The following NPEPPS variants were observed in gnomAD, a reference collection of about 807,000 sequenced individuals.
NPEPPS encodes the protein aminopeptidase puromycin sensitive.
NPEPPS carries 14 observed loss-of-function variants against 115.5 expected under a neutral mutation model. The ratio of observed to expected loss-of-function variants is 0.12; its 90% CI spans 0.08 to 0.19. NPEPPS has a LOEUF of 0.19. NPEPPS is among the 10% of genes least tolerant of loss of function. The pLI is 1.00. For missense variants in NPEPPS, 523 were observed against 1,110.8 expected, an observed-to-expected ratio of 0.47 and a Z score of 7.52; for synonymous variants, 285 against 390.6, an observed-to-expected ratio of 0.73 and a Z score of 3.19.
intron 1 of NPEPPS, among the ~76,000 whole-genome samples, chr17:47,539,164 T>G (rs1264685534): frequency 6.7e-6 from 1 of 149,776 alleles, no homozygotes; most frequent in Non-Finnish European, 1.5e-5. Context: ...GATACTCTGA[T>G]ACAACCTGGG....
At position 47,531,374 on chromosome 17, in the gene NPEPPS, T is replaced by C; in HGVS notation, c.74T>C (p.Leu25Pro). 2 of 1,531,326 alleles carry C rather than the reference T, an allele frequency of 1.3e-6. No homozygotes were observed. Among genetic ancestry groups the C allele is most frequent in the Non-Finnish European group, 1.8e-6 (2 of 1,135,046 alleles). 94.9% of individuals were successfully genotyped at this position (1,531,326 alleles called of 1,614,324 possible). ...CTCGGCCCTCCGCCTCCTCCCCTCC[T>C]CCTTCTCGTCTTCAGCCGCTCCTCT... Reference protein sequence around the residue: ...LFLGPPPPPLLLLVFSRSSRR... With the variant: ...LFLGPPPPPLPLLVFSRSSRR... Residue 25 changes from leucine (L) to proline (P), a missense_variant, in exon 1 of 23, where the codon CTC becomes CCC. Around this residue, in one of 4 missense-constraint regions of NPEPPS, gnomAD observed 144 missense variants for 512.4 expected, o/e 0.28. Transcript: ENST00000322157.
At chr17:47,613,257 CTTT>C (rs753383358) in intron 18 of NPEPPS, among the ~76,000 whole-genome samples, 79 of 98,220 alleles carry the variant, frequency 8.0e-4, no homozygotes, top group African/African-American at 2.8e-3. Context: ...ATAATATTTA[CTTT>C]TTTTTTTTTT....
At chr17:47,617,654 T>C (rs1022552550) in intron 19 of NPEPPS, among the ~76,000 whole-genome samples, 2 of 152,226 alleles carry the variant, frequency 1.3e-5, no homozygotes, top group African/African-American at 4.8e-5. Flanking sequence ...TATAAATTAA[T>C]TTGATGATCT....
intron 2 of NPEPPS, among the ~76,000 whole-genome samples, chr17:47,561,110 C>T (rs1597838092): frequency 6.6e-6 from 1 of 151,970 alleles, no homozygotes; most frequent in Admixed American, 6.6e-5. Context: ...ATAATGATTT[C>T]GGCTATTTTT....
chr17:47,563,136 A>G (rs1344362420), intron 2 of NPEPPS, among the ~76,000 whole-genome samples: 1 of 151,404 alleles, frequency 6.6e-6, no homozygotes, highest in Non-Finnish European at 1.5e-5. Context: ...GTTTCAAGCG[A>G]TTCTCCTGCC....
At chr17:47,613,980 T>TTA (rs1354330180) in intron 19 of NPEPPS, among the ~76,000 whole-genome samples, 4 of 138,980 alleles carry the variant, frequency 2.9e-5, no homozygotes, top group South Asian at 2.4e-4. Context: ...CTTATTATTA[T>TTA]TTTTTTTTTT....
At chr17:47,559,587 A>C (rs1472845108) in intron 2 of NPEPPS, 1 of 451,464 alleles carries the variant, frequency 2.2e-6, no homozygotes, top group Non-Finnish European at 4.4e-6. Flanking sequence ...TTGGTTACTA[A>C]TACTTAAGGT....
At chr17:47,585,768 T>C in intron 6 of NPEPPS, 68 bp downstream of exon 6, 2 of 1,133,154 alleles carry the variant, frequency 1.8e-6, no homozygotes, top group Non-Finnish European at 2.7e-6. Flanking sequence ...ACATTTCTGG[T>C]CAATTATTAG....
chr17:47,611,060 G>T (rs1001160972), intron 17 of NPEPPS, among the ~76,000 whole-genome samples: 1 of 150,822 alleles, frequency 6.6e-6, no homozygotes, highest in Non-Finnish European at 1.5e-5. Flanking sequence ...CACCATGTTG[G>T]CCAGGATGGT....
In NPEPPS at chr17:47,601,767, T is replaced by C; in HGVS notation, c.1740+20T>C. 1 of 1,609,444 alleles carries C rather than the reference T, an allele frequency of 6.2e-7. No individual in the cohort carries two copies. The highest frequency in any genetic ancestry group is 1.7e-5 in the Admixed American group (1 of 58,968). ...GTGAAGGTGAGTTCAGAATCTTACC[T>C]AAACAGATTTCTCTCACTTATACAT... On this transcript the variant is annotated intron_variant, in intron 15 of 22. Coordinates refer to ENST00000322157, the MANE Select transcript of NPEPPS (RefSeq NM_006310.4).
chr17:47,565,600 G>A (rs990570727), intron 2 of NPEPPS, among the ~76,000 whole-genome samples: 9 of 151,368 alleles, frequency 5.9e-5, no homozygotes, highest in Non-Finnish European at 1.0e-4. Context: ...CAGGAGGATC[G>A]CTTGAGCTCG....
chr17:47,601,415 A>AT (rs1250439938), intron 14 of NPEPPS, among the ~76,000 whole-genome samples, 193 bp from the exon 15 acceptor site: 2 of 152,056 alleles, frequency 1.3e-5, no homozygotes, highest in Non-Finnish European at 2.9e-5. Flanking sequence ...ACATGTTGTG[A>AT]TTTTGTTAGT....
chr17:47,609,218 C>A (rs1384121460), intron 17 of NPEPPS, among the ~76,000 whole-genome samples: 1 of 152,076 alleles, frequency 6.6e-6, no homozygotes, highest in African/African-American at 2.4e-5. Context: ...GCTGAATAAT[C>A]AAGAGGAGTT....
rs552229891 is a variant in NPEPPS at position 47,622,893 on chromosome 17, C to G, written c.*973C>G. ...CAACAGTATCAACACTGGCTTCTCC[C>G]GGTTCATTTTATGCGTGCGAGAAGT... is the stretch of plus-strand genomic sequence containing the variant. On this transcript the variant is annotated 3_prime_UTR_variant, in exon 23 of 23. Coordinates refer to ENST00000322157, the MANE Select transcript of NPEPPS (RefSeq NM_006310.4). 1 of 455,924 alleles carries G rather than the reference C, an allele frequency of 2.2e-6. No individual in the cohort carries two copies. Among genetic ancestry groups the G allele is most frequent in the Admixed American group, 2.4e-5 (1 of 42,528 alleles). 28.2% of individuals were successfully genotyped at this position (455,924 alleles called of 1,614,324 possible).
At chr17:47,572,844 C>T (rs1201654109) in intron 3 of NPEPPS, among the ~76,000 whole-genome samples, 5 of 152,072 alleles carry the variant, frequency 3.3e-5, no homozygotes, top group Admixed American at 2.6e-4. Context: ...GGTGCGATCT[C>T]GGCTCACCAC....
At chr17:47,569,153 A>G (rs1221188808) in intron 2 of NPEPPS, among the ~76,000 whole-genome samples, 2 of 152,026 alleles carry the variant, frequency 1.3e-5, no homozygotes, top group African/African-American at 4.8e-5. Flanking sequence ...AAAGCATCAC[A>G]TTTATAAAGC....
At chr17:47,566,855 G>C (rs1363096840) in intron 2 of NPEPPS, among the ~76,000 whole-genome samples, 7 of 152,016 alleles carry the variant, frequency 4.6e-5, no homozygotes, top group Admixed American at 4.6e-4. Flanking sequence ...TGGGTAGATT[G>C]CCTGAATCCA....
chr17:47,590,253 G>T (rs1433460356), intron 9 of NPEPPS, among the ~76,000 whole-genome samples: 1 of 152,090 alleles, frequency 6.6e-6, no homozygotes, highest in Non-Finnish European at 1.5e-5. Flanking sequence ...CCCAGGCATG[G>T]TGGCTCACAC....
intron 2 of NPEPPS, among the ~76,000 whole-genome samples, chr17:47,564,359 C>T (rs531626846): frequency 1.3e-5 from 2 of 151,978 alleles, no homozygotes; most frequent in East Asian, 3.9e-4. Flanking sequence ...CATAGTGAGA[C>T]CCTTATCTCA....
Sources: allele counts gnomAD v4.1 joint callset (sites outside exome capture counted in the v4.1 genomes callset), GRCh38; gene constraint gnomAD v4.1.1; regional missense constraint gnomAD v4.1.1; transcripts MANE v1.5; gene names NCBI Gene and HGNC (gene_info 2026-07-23, HGNC 2026-07-21).